Variants in RMI1 observed in about 807,000 individuals in gnomAD.
RMI1 encodes the protein RecQ mediated genome instability 1.
A neutral mutation model predicts 46.7 loss-of-function variants in RMI1; 36 were observed. That is an observed-to-expected ratio of 0.77 (90% CI 0.59 to 1.02). The LOEUF (loss-of-function observed/expected upper bound fraction) is 1.02, where lower values mean the gene tolerates loss of function less well. Among genes scored for constraint, RMI1 ranks in the 50% least tolerant of loss-of-function variants. The probability of loss-of-function intolerance (pLI) is 0.00; values close to 1 mark genes in which losing one functional copy is unlikely to be tolerated. For missense variants in RMI1, 676 were observed against 713.7 expected (o/e 0.95, Z 0.60); for synonymous variants, 250 against 252.9 (o/e 0.99, Z 0.11).
rs779685290 is a variant in RMI1, at chr9:84,002,012, C to G, written c.1026C>G (p.Asn342Lys). The G allele has an allele frequency of 6.2e-7, 1 of 1,613,822 alleles. No homozygotes were observed. Among genetic ancestry groups the G allele is most frequent in the East Asian group, 2.2e-5 (1 of 44,870 alleles). Reference protein sequence around the residue: ...ETKELQPLTFNRNADRSIERF... With the variant: ...ETKELQPLTFKRNADRSIERF... ...AGGAATTGCAACCATTGACTTTTAA[C>G]AGAAATGCCGATCGAAGTATAGAGA... Residue 342 changes from asparagine to lysine, a missense_variant, in exon 3 of 3, where the codon AAC becomes AAG. Coordinates refer to ENST00000445877, the MANE Select transcript of RMI1 (RefSeq NM_001358291.2).
intron 1 of RMI1, among the ~76,000 whole-genome samples, chr9:83,998,388 T>C (rs560302658): frequency 3.8e-4 from 58 of 152,368 alleles, no homozygotes; most frequent in Middle Eastern, 3.4e-3. Context: ...ACCCACTGTT[T>C]ATAGGTTCCT....
At chr9:84,000,888 G>T in intron 2 of RMI1, 63 bp from the exon 3 acceptor site, 2 of 837,204 alleles carry the variant, frequency 2.4e-6, no homozygotes, top group South Asian at 3.5e-5. Flanking sequence ...GCATTGTAGA[G>T]AATTACAGAA....
rs770641822 is a variant in RMI1 at position 84,002,459 on chromosome 9, T to C, written c.1473T>C (p.Phe491=). 3.1e-6 allele frequency: 5 copies of C among 1,613,964 alleles called. No homozygotes were observed. The South Asian group carries it at 4.4e-5, about 14-fold the overall frequency. The stretch of plus-strand genomic sequence containing the variant: ...CCATGGATTTGTATTCTCCACCCTT[T>C]GTCTATTTGTCTGTTCTAATGGCCA... ...SIAMDLYSPP[F]VYLSVLMASK... The change falls in exon 3 of 3, where the codon TTT becomes TTC. Residue 491 remains phenylalanine, a synonymous_variant. Coordinates refer to ENST00000445877, the MANE Select transcript of RMI1 (RefSeq NM_001358291.2).
At chr9:83,988,312 GT>G (rs1401823463) in intron 1 of RMI1, among the ~76,000 whole-genome samples, 1 of 152,040 alleles carries the variant, frequency 6.6e-6, no homozygotes. Context: ...TTTTCCTTTT[GT>G]TTTGTTTTGA....
chr9:84,002,449 C>T lies in RMI1; in HGVS notation c.1463C>T (p.Ser488Phe). The change falls in exon 3 of 3, where the codon TCT becomes TTT. Residue 488 changes from serine to phenylalanine, a missense_variant. By Grantham distance (155) the Ser-to-Phe change is radical. Transcript: ENST00000445877. The part of the protein sequence containing the change: ...INLSIAMDLY[S>F]PPFVYLSVLM... Reference sequence around the variant, plus strand: ...CTTTCTATTGCCATGGATTTGTATTCTCCACCCTTTGTCTATTTGTCTGTT... The same window carrying T: ...CTTTCTATTGCCATGGATTTGTATTTTCCACCCTTTGTCTATTTGTCTGTT... The T allele has an allele frequency of 1.2e-6, 2 of 1,613,872 alleles. No individual in the cohort carries two copies.
chr9:83,988,670 C>T (rs1409633124), intron 1 of RMI1, among the ~76,000 whole-genome samples: 3 of 152,206 alleles, frequency 2.0e-5, no homozygotes, highest in African/African-American at 7.2e-5. Flanking sequence ...TTTGCATTCT[C>T]ACTAGCAATG....
rs1178124567 is a variant in RMI1, at chr9:84,003,327, A to G, written c.*463A>G. 6.0e-6 allele frequency: 1 copy of G among 167,468 alleles called. No individual in the cohort carries two copies. The highest frequency in any genetic ancestry group is 1.9e-4 in the East Asian group (1 of 5,196). The allele number at this position is 167,468 out of a possible 1,614,324, so 10.4% of individuals were successfully genotyped here. On this transcript the variant is annotated 3_prime_UTR_variant, in exon 3 of 3. Transcript: ENST00000445877. ...TGGCCTCCAAAGTTTACTTTTTTTAAAAGTAACTGTTAGATGGAGGAATAT... is the reference window on the plus strand; with the variant it reads ...TGGCCTCCAAAGTTTACTTTTTTTAGAAGTAACTGTTAGATGGAGGAATAT...
chr9:83,985,934 G>C (rs569043195), intron 1 of RMI1, among the ~76,000 whole-genome samples: 2,471 of 152,134 alleles, frequency 0.016, 28 homozygotes, highest in Non-Finnish European at 0.026. Context: ...GCAGGAACCC[G>C]GCAGGCTGAG....
chr9:83,993,927 G>A (rs893363961), intron 1 of RMI1, among the ~76,000 whole-genome samples: 16 of 150,736 alleles, frequency 1.1e-4, no homozygotes, highest in African/African-American at 3.2e-4. Flanking sequence ...CTACAGGCGT[G>A]CGCCACCATG....
At chr9:83,995,392 T>A (rs1957635072) in intron 1 of RMI1, among the ~76,000 whole-genome samples, 1 of 152,078 alleles carries the variant, frequency 6.6e-6, no homozygotes, top group Non-Finnish European at 1.5e-5. Flanking sequence ...TGTTCCCTAC[T>A]TCTTAGTTCT....
intron 1 of RMI1, among the ~76,000 whole-genome samples, chr9:83,982,760 T>G (rs1005513240): frequency 4.6e-5 from 7 of 152,204 alleles, no homozygotes; most frequent in African/African-American, 1.7e-4. Flanking sequence ...TCATCCCCTC[T>G]AGATGCCATT....
At chr9:83,999,287 T>C (rs1957704894) in intron 1 of RMI1, among the ~76,000 whole-genome samples, 1 of 152,216 alleles carries the variant, frequency 6.6e-6, no homozygotes, top group Non-Finnish European at 1.5e-5. Flanking sequence ...ATACATTTAC[T>C]GAGTTCTCGC....
chr9:83,981,089 C>G (rs2133090106), intron 1 of RMI1, 198 bp downstream of exon 1: 1 of 152,394 alleles, frequency 6.6e-6, no homozygotes, highest in African/African-American at 2.4e-5. Context: ...GCCCGTCAGT[C>G]AAGGCCGGGC....
At chr9:83,994,738 T>G (rs1957624754) in intron 1 of RMI1, among the ~76,000 whole-genome samples, 1 of 152,132 alleles carries the variant, frequency 6.6e-6, no homozygotes, top group African/African-American at 2.4e-5. Flanking sequence ...AAGCTGGTCT[T>G]GAACTCCTGA....
chr9:83,987,784 A>G (rs1364723191), intron 1 of RMI1, among the ~76,000 whole-genome samples: 3 of 152,356 alleles, frequency 2.0e-5, no homozygotes, highest in Non-Finnish European at 2.9e-5. Context: ...ACATTCATGC[A>G]TATTATTCCT....
At position 84,002,427 on chromosome 9, in the gene RMI1, T is replaced by A. The variant is rs1427345442; in HGVS notation, c.1441T>A (p.Ser481Thr). ...LRSSENSINL[S>T]IAMDLYSPPF... ...ATCATCAGAGAATAGCATTAATCTTTCTATTGCCATGGATTTGTATTCTCC... is the reference window on the plus strand; with the variant it reads ...ATCATCAGAGAATAGCATTAATCTTACTATTGCCATGGATTTGTATTCTCC... Residue 481 changes from serine (S) to threonine (T), a missense_variant, in exon 3 of 3, where the codon TCT (serine) becomes ACT (threonine). Physicochemically the swap from Ser to Thr is moderately conservative, Grantham distance 58. Transcript: ENST00000445877. 2 of 1,613,692 alleles carry A rather than the reference T, an allele frequency of 1.2e-6. No homozygotes were observed. The highest frequency in any genetic ancestry group is 2.7e-5 in the African/African-American group (2 of 74,924).
intron 1 of RMI1, among the ~76,000 whole-genome samples, chr9:83,984,294 A>G: frequency 7.3e-6 from 1 of 137,638 alleles, no homozygotes; most frequent in African/African-American, 2.8e-5. Context: ...TTTGAGACTG[A>G]GTTTCGTTCT....
intron 1 of RMI1, among the ~76,000 whole-genome samples, chr9:83,989,175 A>T (rs1248604696): frequency 6.6e-6 from 1 of 152,138 alleles, no homozygotes; most frequent in Non-Finnish European, 1.5e-5. Flanking sequence ...ATCCTTTCAA[A>T]TCTCTTTCTT....
At chr9:83,990,529 T>C (rs947542531) in intron 1 of RMI1, among the ~76,000 whole-genome samples, 16 of 146,136 alleles carry the variant, frequency 1.1e-4, no homozygotes, top group Admixed American at 2.1e-4. Flanking sequence ...AAAAAAACAA[T>C]TGGAATAAGT....
Sources: allele counts gnomAD v4.1 joint callset (sites outside exome capture counted in the v4.1 genomes callset), GRCh38; gene constraint gnomAD v4.1.1; transcripts MANE v1.5; gene names NCBI Gene and HGNC (gene_info 2026-07-23, HGNC 2026-07-21).